The following CPNE9 variants were observed in gnomAD, a reference collection of about 807,000 sequenced individuals.
The protein encoded by CPNE9 is copine-9.
CPNE9 carries 59 observed loss-of-function variants against 83.0 expected under a neutral mutation model. The observed-to-expected ratio is 0.71, with a 90% CI of 0.58 to 0.88. The LOEUF is 0.88. CPNE9 is among the 40% of genes least tolerant of loss of function. The pLI is 0.00. For missense variants in CPNE9, 619 were observed against 720.8 expected (o/e 0.86, Z 1.62); for synonymous variants, 256 against 273.4 (o/e 0.94, Z 0.63).
chr3:9,704,736 C>T lies in CPNE9; in HGVS notation c.110-13C>T. 1 of 1,612,388 alleles carries T rather than the reference C, an allele frequency of 6.2e-7. No homozygotes were observed. On this transcript the variant is annotated splice_polypyrimidine_tract_variant and intron_variant, in intron 2 of 20. Transcript: ENST00000383832. This position sits in a 1 kb window ranked among gnomAD's most constrained non-coding sequence, Gnocchi z 7.1. ...CCGACCTGACGTCCTTCCCTCCCCGCCCCCACCTGCAGTGGTGGTGCTTTA... is the reference window on the plus strand; with the variant it reads ...CCGACCTGACGTCCTTCCCTCCCCGTCCCCACCTGCAGTGGTGGTGCTTTA...
intron 20 of CPNE9, among the ~76,000 whole-genome samples, chr3:9,728,119 G>A (rs894188501): frequency 6.6e-6 from 1 of 152,196 alleles, no homozygotes; most frequent in Non-Finnish European, 1.5e-5. Context: ...AACACACTGG[G>A]TTCGAAGTAT....
At chr3:9,705,611 GC>G in intron 5 of CPNE9, 106 bp from the exon 6 acceptor site, 1 of 1,562,284 alleles carries the variant, frequency 6.4e-7, no homozygotes. Flanking sequence ...TCTTCTTCAG[GC>G]CCCCAACCCA....
At position 9,704,442 on chromosome 3, in the gene CPNE9, CAGAG is replaced by C. The variant is rs1218013502; in HGVS notation, c.69-144_69-141del. On this transcript the variant is annotated intron_variant, in intron 1 of 20. Transcript: ENST00000383832. This position sits in a 1 kb window ranked among gnomAD's most constrained non-coding sequence, Gnocchi z 7.1. ...TTTCCGGTGCTGTCCAGAGTGCTGA[CAGAG>C]CGGACCCCGGCTGGGGGTAGCCATG... The C allele has an allele frequency of 2.7e-5, 21 of 774,872 alleles. 1 individual carries two copies. In the African/African-American group the frequency reaches 3.5e-4, roughly 13 times the overall value. 48.0% of individuals were successfully genotyped at this position (774,872 alleles called of 1,614,324 possible).
At chr3:9,725,637 CAT>C (rs2076772766) in intron 17 of CPNE9, among the ~76,000 whole-genome samples, 1 of 33,860 alleles carries the variant, frequency 3.0e-5, no homozygotes, top group Non-Finnish European at 4.9e-5. Context: ...TATGTATATA[CAT>C]GTATGTGTAT....
chr3:9,726,181 C>T lies in CPNE9; in HGVS notation c.1344+130C>T, dbSNP rs1218116396. 6.9e-6 allele frequency: 4 copies of T among 578,296 alleles called. No individual in the cohort carries two copies. In the African/African-American group the frequency reaches 7.8e-5, roughly 11 times the overall value. 35.8% of individuals were successfully genotyped at this position (578,296 alleles called of 1,614,324 possible). ...ATGGATGCTGGCAGAAGACACAAGA[C>T]TCTTGGATTAGAGATAGAGGACTTT... On this transcript the variant is annotated intron_variant, in intron 18 of 20. Coordinates refer to ENST00000383832, the MANE Select transcript of CPNE9 (RefSeq NM_153635.3).
intron 20 of CPNE9, 193 bp downstream of exon 20, chr3:9,727,379 G>A (rs1359242312): frequency 1.6e-5 from 12 of 747,780 alleles, no homozygotes; most frequent in African/African-American, 1.7e-5. Context: ...CATCCGTGGT[G>A]TAGGTCGGGA....
At chr3:9,709,650 G>A (rs1004108317) in intron 7 of CPNE9, among the ~76,000 whole-genome samples, 1 of 151,940 alleles carries the variant, frequency 6.6e-6, no homozygotes, top group African/African-American at 2.4e-5. Flanking sequence ...TTACAGACGT[G>A]AGCTGCCACG....
chr3:9,725,668 A>ATATGTG (rs1218841789), intron 17 of CPNE9, among the ~76,000 whole-genome samples: 10 of 31,390 alleles, frequency 3.2e-4, no homozygotes, highest in African/African-American at 1.8e-3. Flanking sequence ...ATATATGTAT[A>ATATGTG]TATATGTGTA....
At position 9,704,882 on chromosome 3, in the gene CPNE9, C is replaced by G. The variant is rs368004219; in HGVS notation, c.157-9C>G. 552 of 1,611,168 alleles carry G rather than the reference C, an allele frequency of 3.4e-4. 3 individuals carry two copies. Among genetic ancestry groups the G allele is most frequent in the South Asian group, 2.7e-3 (245 of 90,942 alleles). ...ACGTCCCACGCTGACCCTCCACCCC[C>G]CTACCCAGTTCGGACGGACCGAGGT... On this transcript the variant is annotated splice_polypyrimidine_tract_variant and intron_variant, in intron 3 of 20. Transcript: ENST00000383832. The surrounding 1 kb of genome is among the most constrained non-coding windows in gnomAD (Gnocchi z 7.1).
chr3:9,713,130 G>T, intron 10 of CPNE9, 51 bp downstream of exon 10: 1 of 1,361,294 alleles, frequency 7.3e-7, no homozygotes, highest in Non-Finnish European at 1.0e-6. Flanking sequence ...ATGCCAGTGT[G>T]GTTCCTGGGC....
chr3:9,725,741 A>G (rs1367879906), intron 17 of CPNE9, among the ~76,000 whole-genome samples: 1 of 113,940 alleles, frequency 8.8e-6, no homozygotes, highest in South Asian at 2.7e-4. Context: ...TTTCATATAT[A>G]TGTATATATG....
At chr3:9,717,876 A>G (rs1357983930) in intron 15 of CPNE9, among the ~76,000 whole-genome samples, 153 bp from the exon 16 acceptor site, 1 of 152,178 alleles carries the variant, frequency 6.6e-6, no homozygotes, top group Non-Finnish European at 1.5e-5. Flanking sequence ...AGATGGATAA[A>G]TGAACAAATG....
chr3:9,723,993 G>A (rs293779), intron 17 of CPNE9, among the ~76,000 whole-genome samples: 54,489 of 152,128 alleles, frequency 0.36, 10,895 homozygotes, highest in African/African-American at 0.54. Context: ...CCAACCACAT[G>A]TGGATATGGG....
At chr3:9,721,930 T>C (rs531778049) in intron 17 of CPNE9, among the ~76,000 whole-genome samples, 1 of 152,044 alleles carries the variant, frequency 6.6e-6, no homozygotes, top group South Asian at 2.1e-4. Context: ...TTAGTTTTTT[T>C]TTTTTTGAGA....
At position 9,729,598 on chromosome 3, in the gene CPNE9, A is replaced by C; in HGVS notation, c.1568A>C (p.Glu523Ala). 1 of 1,613,976 alleles carries C rather than the reference A, an allele frequency of 6.2e-7. No homozygotes were observed. The highest frequency in any genetic ancestry group is 8.5e-7 in the Non-Finnish European group (1 of 1,179,984). The stretch of plus-strand genomic sequence containing the variant: ...AAGGATGTGCTGGCCGAGATCCCGG[A>C]GCAGCTGCTGTCCTATATGCGCACC... Reference protein sequence around the residue: ...LAKDVLAEIPEQLLSYMRTRD... With the variant: ...LAKDVLAEIPAQLLSYMRTRD... The change falls in exon 21 of 21, where the codon GAG (glutamate) becomes GCG (alanine). Residue 523 changes from glutamate (E) to alanine (A), a missense_variant. Transcript: ENST00000383832.
rs747587773 is a variant in CPNE9 at position 9,704,791 on chromosome 3, G to A, written c.152G>A (p.Arg51Gln). ...YTQSRASQEW[R>Q]EFGRTEVIDN... ...CAGAGCCGGGCCAGCCAGGAGTGGC[G>A]GGAGGTGAGTCCCAGAGCCCCCTCC... The change falls in exon 3 of 21, where the codon CGG becomes CAG. Residue 51 changes from arginine (R) to glutamine (Q), a missense_variant. Around this residue, in one of 3 missense-constraint regions of CPNE9, gnomAD observed 130 missense variants for 117.5 expected, o/e 1.11. Transcript: ENST00000383832. This position sits in a 1 kb window ranked among gnomAD's most constrained non-coding sequence, Gnocchi z 7.1. The A allele has an allele frequency of 5.0e-6, 8 of 1,608,628 alleles. No homozygotes were observed. The highest frequency in any genetic ancestry group is 1.1e-5 in the South Asian group (1 of 90,814).
chr3:9,728,779 C>G (rs553712601), intron 20 of CPNE9, among the ~76,000 whole-genome samples: 100 of 151,922 alleles, frequency 6.6e-4, no homozygotes, highest in Admixed American at 2.0e-3. Context: ...TTCTTCTCCT[C>G]TCCCTAAGTC....
At position 9,715,391 on chromosome 3, in the gene CPNE9, A is replaced by T. The variant is rs759968488; in HGVS notation, c.768+27A>T. On this transcript the variant is annotated intron_variant, in intron 12 of 20. Coordinates refer to ENST00000383832, the MANE Select transcript of CPNE9 (RefSeq NM_153635.3). ...TGAGCATTCCAGCCCTGCCCAGGTC[A>T]CCCAGGCCCTCCATCCCAGTGTGCT... 12 of 1,613,748 alleles carry T rather than the reference A, an allele frequency of 7.4e-6. No homozygotes were observed. In the Admixed American group the frequency reaches 1.7e-4, roughly 22 times the overall value.
At chr3:9,705,419 T>TACCCCCCCCCCCCCCCCC in intron 4 of CPNE9, 45 bp from the exon 5 acceptor site, 3 of 662,614 alleles carry the variant, frequency 4.5e-6, no homozygotes, top group East Asian at 3.0e-5. Context: ...TTCCACCCTC[T>TACCCCCCCCCCCCCCCCC]CCCCCACCCA....
Sources: gnomAD v4.1 joint callset for allele counts (sites outside exome capture counted in the v4.1 genomes callset) on GRCh38, gnomAD v4.1.1 for gene constraint, gnomAD v4.1.1 regional missense constraint, Gnocchi (gnomAD v3.1) non-coding constraint, MANE v1.5 for transcripts, NCBI Gene and HGNC (gene_info 2026-07-23, HGNC 2026-07-21) for gene names.